The following ZNF506 variants were observed in gnomAD, a reference collection of about 807,000 sequenced individuals.
The protein encoded by ZNF506 is zinc finger protein 506.
ZNF506 carries 10 observed loss-of-function variants against 11.6 expected under a neutral mutation model. The ratio of observed to expected loss-of-function variants is 0.86; its 90% CI spans 0.53 to 1.46. The LOEUF (loss-of-function observed/expected upper bound fraction) is 1.46. Among genes scored for constraint, ZNF506 ranks in the 40% most tolerant of loss-of-function variants. The probability of loss-of-function intolerance (pLI) is 0.00; values close to 1 mark genes in which losing one functional copy is unlikely to be tolerated. For missense variants in ZNF506, 425 were observed against 521.2 expected (o/e 0.82, Z 1.80); for synonymous variants, 156 against 173.3 (o/e 0.90, Z 0.78).
At chr19:19,805,775 C>T (rs925906296) in intron 3 of ZNF506, among the ~76,000 whole-genome samples, 1 of 152,066 alleles carries the variant, frequency 6.6e-6, no homozygotes, top group African/African-American at 2.4e-5. Context: ...AGGACTTTGG[C>T]TCTCAGTGTG....
At chr19:19,797,509 T>C (rs1335746248) in intron 3 of ZNF506, 2 of 149,476 alleles carry the variant, frequency 1.3e-5, no homozygotes, top group Admixed American at 6.6e-5. Flanking sequence ...AGACAACTAC[T>C]GAAGATTAGA....
At chr19:19,806,364 C>T in intron 2 of ZNF506, 1 of 219,140 alleles carries the variant, frequency 4.6e-6, no homozygotes, top group Non-Finnish European at 8.9e-6. Flanking sequence ...TCAAGCGGTT[C>T]TCCTGTCTCA....
intron 3 of ZNF506, chr19:19,798,870 T>C (rs894713810): frequency 6.6e-6 from 1 of 152,056 alleles, no homozygotes; most frequent in Non-Finnish European, 1.5e-5. Flanking sequence ...TCAAGAGACA[T>C]ACTTCTAAAA....
At chr19:19,800,798 A>G (rs1313024032) in intron 3 of ZNF506, among the ~76,000 whole-genome samples, 1 of 152,200 alleles carries the variant, frequency 6.6e-6, no homozygotes, top group Non-Finnish European at 1.5e-5. Flanking sequence ...CAAAAATAAT[A>G]TAGATTCATA....
Position 19,794,608 on chromosome 19 carries a change from C to T in ZNF506, c.1279G>A (p.Val427Met). The T allele has an allele frequency of 6.2e-7, 1 of 1,608,898 alleles. No homozygotes were observed. The highest frequency in any genetic ancestry group is 8.5e-7 in the Non-Finnish European group (1 of 1,178,378). The change falls in exon 4 of 4, where the codon GTG becomes ATG. Residue 427 changes from valine to methionine, a missense_variant. Physicochemically the swap from Val to Met is conservative, Grantham distance 21. Around this residue, in one of 3 missense-constraint regions of ZNF506, gnomAD observed 192 missense variants for 215.7 expected, o/e 0.89. Coordinates refer to ENST00000540806, the MANE Select transcript of ZNF506 (RefSeq NM_001099269.3). Reference protein sequence around the residue: ...KIHIRQKPCIVKNVENLLNVP... With the variant: ...KIHIRQKPCIMKNVENLLNVP... ...TTTAAAAGATTTTCCACATTCTTCA[C>T]TATGCAGGGTTTCTGTCTAATATGA...
In ZNF506 at chr19:19,795,279, CATTT is replaced by C. The variant is rs1387772481; in HGVS notation, c.604_607del (p.Lys202ValfsTer47). The C allele has an allele frequency of 6.2e-7, 1 of 1,613,996 alleles. No homozygotes were observed. Among genetic ancestry groups the C allele is most frequent in the East Asian group, 2.2e-5 (1 of 44,856 alleles). On this transcript the variant is annotated frameshift_variant, in exon 4 of 4. Transcript: ENST00000540806. LOFTEE classifies it low-confidence loss of function (END_TRUNC). Reference sequence around the variant, plus strand: ...CTTATAGGCTTTACCACATTCTTCACATTTATAGCGTTTCTCTCCAGCATCAATT... The same window carrying C: ...CTTATAGGCTTTACCACATTCTTCACATAGCGTTTCTCTCCAGCATCAATT...
intron 3 of ZNF506, chr19:19,797,021 A>G (rs1320642361): frequency 6.6e-6 from 1 of 152,234 alleles, no homozygotes; most frequent in African/African-American, 2.4e-5. Flanking sequence ...CATAACAGGT[A>G]GCTTTTTGTT....
At chr19:19,797,442 A>AT (rs1390026279) in intron 3 of ZNF506, 1 of 151,632 alleles carries the variant, frequency 6.6e-6, no homozygotes, top group African/African-American at 2.4e-5. Flanking sequence ...TCAGGAAAAA[A>AT]AAAAAAAAAA....
At position 19,793,032 on chromosome 19, in the gene ZNF506, C is replaced by G. The variant is rs2062706577; in HGVS notation, c.*1520G>C. 6.6e-6 allele frequency among the ~76,000 whole-genome samples: 1 copy of G among 152,154 alleles called. No individual in the cohort carries two copies. Among genetic ancestry groups the G allele is most frequent in the South Asian group, 2.1e-4 (1 of 4,832 alleles). On this transcript the variant is annotated 3_prime_UTR_variant, in exon 4 of 4. Coordinates refer to ENST00000540806, the MANE Select transcript of ZNF506 (RefSeq NM_001099269.3). ...TATCCCTGATGCAGCAACAATTGAT[C>G]ACATGCTTTCACATGTGACCACAAT...
chr19:19,806,004 G>T, intron 3 of ZNF506, 27 bp downstream of exon 3: 1 of 1,570,192 alleles, frequency 6.4e-7, no homozygotes, highest in Non-Finnish European at 8.7e-7. Context: ...TGTGTTGTCT[G>T]TCCTATTCAT....
At chr19:19,802,851 A>AG (rs1165106586) in intron 3 of ZNF506, among the ~76,000 whole-genome samples, 2 of 152,234 alleles carry the variant, frequency 1.3e-5, no homozygotes, top group African/African-American at 4.8e-5. Flanking sequence ...CAGCAAAAAA[A>AG]GGTTAGCTAT....
rs750864724 is a variant in ZNF506 at position 19,795,067 on chromosome 19, A to G, written c.820T>C (p.Ser274Pro). Residue 274 changes from serine (S) to proline (P), a missense_variant, in exon 4 of 4, where the codon TCA becomes CCA. Ser to Pro is a moderately conservative substitution (Grantham distance 74, BLOSUM62 -1). Around this residue, in one of 3 missense-constraint regions of ZNF506, gnomAD observed 192 missense variants for 215.7 expected, o/e 0.89. Transcript: ENST00000540806. ...KAFNHPATLFSHKKIHTGEKP... is the reference protein window; with the variant it reads ...KAFNHPATLFPHKKIHTGEKP... ...TCTCCAGTATGAATTTTCTTATGTG[A>G]AAAAAGGGTTGCAGGGTGGTTAAAA... 1.9e-6 allele frequency: 3 copies of G among 1,611,148 alleles called. No homozygotes were observed. The highest frequency in any genetic ancestry group is 2.5e-6 in the Non-Finnish European group (3 of 1,179,282).
chr19:19,821,707 C>T lies in ZNF506; in HGVS notation c.-104G>A, dbSNP rs1467103802. On this transcript the variant is annotated 5_prime_UTR_variant, in exon 1 of 4. Coordinates refer to ENST00000540806, the MANE Select transcript of ZNF506 (RefSeq NM_001099269.3). The stretch of plus-strand genomic sequence containing the variant: ...GCCTCTAGGAGCTGACGGCACAGAG[C>T]AGTGAAGACGATAGCTGGATCTCTG... 7 of 1,438,312 alleles carry T rather than the reference C, an allele frequency of 4.9e-6. No homozygotes were observed. The African/African-American group carries it at 8.4e-5, about 17-fold the overall frequency. The allele number at this position is 1,438,312 out of a possible 1,614,324, so 89.1% of individuals were successfully genotyped here.
intron 2 of ZNF506, 82 bp from the exon 3 acceptor site, chr19:19,806,208 T>G: frequency 5.0e-6 from 5 of 1,008,812 alleles, no homozygotes; most frequent in Non-Finnish European, 6.9e-6. Flanking sequence ...AGAGAGGATG[T>G]GATAAAGTAT....
rs34297481 is a variant in ZNF506, at chr19:19,816,810, C to CTTTT, written c.3+4787_3+4790dup. ...AGCCTGGCCTAAAATAAAATATTTCCTTTTTTTTTTTTTTTTTTTTTTTTT... is the reference window on the plus strand; with the variant it reads ...AGCCTGGCCTAAAATAAAATATTTCCTTTTTTTTTTTTTTTTTTTTTTTTTTTTT... On this transcript the variant is annotated intron_variant, in intron 1 of 3. Coordinates refer to ENST00000540806, the MANE Select transcript of ZNF506 (RefSeq NM_001099269.3). 5.2e-3 allele frequency among the ~76,000 whole-genome samples: 415 copies of CTTTT among 80,258 alleles called. 9 individuals are homozygous for CTTTT. The highest frequency in any genetic ancestry group is 7.0e-3 in the Non-Finnish European group (311 of 44,264). 52.7% of individuals were successfully genotyped at this position (80,258 alleles called of 152,430 possible). A position where few individuals can be genotyped will look rare whatever the true frequency, so the allele number is the denominator to read the frequency against.
chr19:19,813,323 C>T (rs1483896813), intron 1 of ZNF506, among the ~76,000 whole-genome samples: 2 of 152,034 alleles, frequency 1.3e-5, no homozygotes, highest in African/African-American at 4.8e-5. Flanking sequence ...TTTTAATGAA[C>T]TAGTCATAAT....
chr19:19,801,745 C>T (rs951890852), intron 3 of ZNF506, among the ~76,000 whole-genome samples: 12 of 151,526 alleles, frequency 7.9e-5, no homozygotes, highest in East Asian at 1.9e-4. Flanking sequence ...GAGCCGAGAT[C>T]GCACCACTGC....
chr19:19,809,000 T>C (rs2062863370), intron 1 of ZNF506, among the ~76,000 whole-genome samples: 1 of 152,166 alleles, frequency 6.6e-6, no homozygotes, highest in Non-Finnish European at 1.5e-5. Flanking sequence ...ACTTTCTGGG[T>C]AATAAATGCC....
intron 3 of ZNF506, among the ~76,000 whole-genome samples, chr19:19,801,735 G>C (rs1476952658): frequency 6.6e-6 from 1 of 151,736 alleles, no homozygotes; most frequent in African/African-American, 2.4e-5. Context: ...AGGTTGCAGT[G>C]AGCCGAGATC....
Sources: allele counts gnomAD v4.1 joint callset (sites outside exome capture counted in the v4.1 genomes callset), GRCh38; gene constraint gnomAD v4.1.1; regional missense constraint gnomAD v4.1.1; transcripts MANE v1.5; gene names NCBI Gene and HGNC (gene_info 2026-07-23, HGNC 2026-07-21).